Variants in CALCR observed in about 807,000 individuals in gnomAD.
CALCR encodes the protein calcitonin receptor.
In CALCR, 47 loss-of-function variants were observed where a neutral mutation model predicts 59.5. That is an observed-to-expected ratio of 0.79 (90% CI 0.63 to 1.01). The LOEUF (loss-of-function observed/expected upper bound fraction) is 1.01, where lower values mean the gene tolerates loss of function less well. Among genes scored for constraint, CALCR ranks in the 50% least tolerant of loss-of-function variants. The probability of loss-of-function intolerance (pLI) is 0.00; values close to 1 mark genes in which losing one functional copy is unlikely to be tolerated. For missense variants in CALCR, 566 were observed against 597.1 expected (o/e 0.95, Z 0.54); for synonymous variants, 213 against 211.3 (o/e 1.01, Z -0.07).
rs1384308512 is a variant in CALCR, at chr7:93,477,609, C to T, written c.265G>A (p.Val89Ile). ...WLCWDDTPAG[V>I]LSYQFCPDYF... ...TCTGGGCAGAACTGATAGGACAATA[C>T]TCCAGCCGGTGTGTCATCCCAGCAC... The change falls in exon 5 of 14, where the codon GTA becomes ATA. Residue 89 changes from valine (V) to isoleucine (I), a missense_variant. Coordinates refer to ENST00000426151, the MANE Select transcript of CALCR (RefSeq NM_001742.4). 1.2e-6 allele frequency: 2 copies of T among 1,611,444 alleles called. No individual in the cohort carries two copies. The highest frequency in any genetic ancestry group is 4.5e-5 in the East Asian group (2 of 44,700).
rs1052112413 is a variant in CALCR at position 93,522,624 on chromosome 7, C to A, written c.-26-35617G>T. On this transcript the variant is annotated intron_variant, in intron 2 of 13. Transcript: ENST00000426151. ...TTTATTTCTACAATTTCCTTCAAAT[C>A]TTCCCATTTTGAATCTAAGTGAGTC... Among the ~76,000 whole-genome samples the A allele has an allele frequency of 8.5e-5, 13 of 152,234 alleles. 1 individual carries two copies. Among genetic ancestry groups the A allele is most frequent in the African/African-American group, 3.1e-4 (13 of 41,548 alleles).
At chr7:93,436,273 C>G in intron 11 of CALCR, 103 bp from the exon 12 acceptor site, 1 of 908,186 alleles carries the variant, frequency 1.1e-6, no homozygotes, top group Non-Finnish European at 1.7e-6. Flanking sequence ...ACAAATGTTA[C>G]CTACATAGAA....
chr7:93,436,405 G>T (rs1457904486), intron 11 of CALCR, among the ~76,000 whole-genome samples: 3 of 152,086 alleles, frequency 2.0e-5, no homozygotes, highest in South Asian at 2.1e-4. Flanking sequence ...CATCACCCTT[G>T]CCAACACTTG....
intron 4 of CALCR, among the ~76,000 whole-genome samples, chr7:93,478,265 T>C (rs1463381100): frequency 1.3e-5 from 2 of 151,860 alleles, no homozygotes; most frequent in Non-Finnish European, 2.9e-5. Context: ...TGCCTTTCAG[T>C]TGACTTGATG....
rs192317744 is a variant in CALCR, at chr7:93,560,554, A to T, written c.-27+13735T>A. Among the ~76,000 whole-genome samples, 661 of 152,100 alleles carry T rather than the reference A, an allele frequency of 4.3e-3. 4 individuals are homozygous for T. The highest frequency in any genetic ancestry group is 7.4e-3 in the Non-Finnish European group (503 of 67,954). On this transcript the variant is annotated intron_variant, in intron 2 of 13. Transcript: ENST00000426151. ...TTCAGATCATCTGAAAATCTTTACA[A>T]TTTTAATTTATACTATTTGTTCTAA... is the stretch of plus-strand genomic sequence containing the variant.
At chr7:93,456,459 G>A (rs1218569390) in intron 8 of CALCR, among the ~76,000 whole-genome samples, 2 of 151,834 alleles carry the variant, frequency 1.3e-5, no homozygotes, top group Admixed American at 1.3e-4. Context: ...GTTTGAAAGA[G>A]GTAAAAATGT....
chr7:93,443,864 A>G (rs896246996), intron 8 of CALCR, 107 bp from the exon 9 acceptor site: 1 of 938,036 alleles, frequency 1.1e-6, no homozygotes, highest in Admixed American at 2.2e-5. Flanking sequence ...TCAGCTTGCA[A>G]GGCAGTTTCC....
chr7:93,512,151 G>A (rs957210895), intron 2 of CALCR, among the ~76,000 whole-genome samples: 2 of 152,156 alleles, frequency 1.3e-5, no homozygotes, highest in Admixed American at 6.6e-5. Flanking sequence ...GCAGAATAAT[G>A]TTCAATCTTC....
chr7:93,467,820 T>C (rs1800471990), intron 7 of CALCR, among the ~76,000 whole-genome samples: 1 of 151,630 alleles, frequency 6.6e-6, no homozygotes, highest in African/African-American at 2.4e-5. Flanking sequence ...ATAATAATAA[T>C]GATATCAAAC....
intron 2 of CALCR, among the ~76,000 whole-genome samples, chr7:93,494,792 AG>A (rs1232411362): frequency 6.6e-6 from 1 of 151,590 alleles, no homozygotes; most frequent in East Asian, 1.9e-4. Flanking sequence ...AGAGAAAAGC[AG>A]GCAAGGAAGA....
At chr7:93,505,545 G>A (rs1341098169) in intron 2 of CALCR, among the ~76,000 whole-genome samples, 3 of 152,100 alleles carry the variant, frequency 2.0e-5, no homozygotes, top group Non-Finnish European at 4.4e-5. Context: ...GTGCTGGATG[G>A]TCTTCTGTGA....
chr7:93,560,244 C>G (rs1789714107), intron 2 of CALCR, among the ~76,000 whole-genome samples: 2 of 151,986 alleles, frequency 1.3e-5, no homozygotes, highest in Non-Finnish European at 2.9e-5. Context: ...AAGCTTTTTA[C>G]TAAGGAATCA....
chr7:93,430,669 TAG>T (rs1799640168), intron 13 of CALCR, among the ~76,000 whole-genome samples: 1 of 152,206 alleles, frequency 6.6e-6, no homozygotes, highest in Admixed American at 6.5e-5. Context: ...TGATTGTGTC[TAG>T]AATAGTGGTT....
intron 2 of CALCR, among the ~76,000 whole-genome samples, chr7:93,493,553 T>C (rs1428580690): frequency 6.6e-6 from 1 of 151,368 alleles, no homozygotes; most frequent in East Asian, 1.9e-4. Flanking sequence ...TCTAGACCAG[T>C]TTCCCTGCTT....
chr7:93,550,290 G>A (rs1490985534), intron 2 of CALCR, among the ~76,000 whole-genome samples: 3 of 151,958 alleles, frequency 2.0e-5, no homozygotes, highest in South Asian at 2.1e-4. Flanking sequence ...AGGAGTTCGA[G>A]AGCAGCCTGG....
At chr7:93,489,992 T>A (rs1008744262) in intron 2 of CALCR, among the ~76,000 whole-genome samples, 2 of 152,022 alleles carry the variant, frequency 1.3e-5, no homozygotes, top group African/African-American at 4.8e-5. Context: ...CTGATGAGCA[T>A]TGATGCAAAA....
chr7:93,432,896 A>G (rs925818015), intron 13 of CALCR, among the ~76,000 whole-genome samples: 35 of 152,222 alleles, frequency 2.3e-4, no homozygotes, highest in African/African-American at 7.7e-4. Context: ...AGTTTTTATC[A>G]TTCTAAAAAA....
At chr7:93,515,196 G>T (rs1801624626) in intron 2 of CALCR, among the ~76,000 whole-genome samples, 1 of 151,930 alleles carries the variant, frequency 6.6e-6, no homozygotes, top group African/African-American at 2.4e-5. Flanking sequence ...TCTCAAGGAT[G>T]GCTATAAGGA....
chr7:93,483,654 T>C (rs1800857496), intron 3 of CALCR, among the ~76,000 whole-genome samples: 1 of 151,614 alleles, frequency 6.6e-6, no homozygotes, highest in Non-Finnish European at 1.5e-5. Flanking sequence ...TGGTATCATT[T>C]TCAGCAATAC....
Sources: allele counts gnomAD v4.1 joint callset (sites outside exome capture counted in the v4.1 genomes callset), GRCh38; gene constraint gnomAD v4.1.1; transcripts MANE v1.5; gene names NCBI Gene and HGNC (gene_info 2026-07-23, HGNC 2026-07-21).